Variants in NFU1 observed in about 807,000 individuals in gnomAD.
The protein encoded by NFU1 is NFU1 iron-sulfur cluster scaffold.
A neutral mutation model predicts 32.2 loss-of-function variants in NFU1; 30 were observed. The observed-to-expected ratio is 0.93, with a 90% CI of 0.70 to 1.26. The LOEUF (loss-of-function observed/expected upper bound fraction) is 1.26, where lower values mean the gene tolerates loss of function less well. NFU1 is among the 50% of genes most tolerant of loss of function. NFU1 has a pLI of 0.00. For synonymous variants in NFU1, 112 were observed against 104.6 expected, an observed-to-expected ratio of 1.07 and a Z score of -0.43; for missense variants, 306 against 306.6, an observed-to-expected ratio of 1.00 and a Z score of 0.02.
intron 1 of NFU1, among the ~76,000 whole-genome samples, chr2:69,436,656 T>C (rs978407455): frequency 2.6e-5 from 4 of 152,218 alleles, no homozygotes; most frequent in Admixed American, 1.3e-4. Context: ...AACACTACAA[T>C]GTCTAATACT....
At chr2:69,428,283 G>A (rs772268781) in intron 2 of NFU1, among the ~76,000 whole-genome samples, 1 of 152,076 alleles carries the variant, frequency 6.6e-6, no homozygotes, top group Non-Finnish European at 1.5e-5. Flanking sequence ...AAATTAGCCA[G>A]GTGTGGTGAT....
chr2:69,408,682 T>C (rs1672778012), intron 5 of NFU1, among the ~76,000 whole-genome samples: 1 of 149,242 alleles, frequency 6.7e-6, no homozygotes, highest in Non-Finnish European at 1.5e-5. Flanking sequence ...ATCACGCCAC[T>C]GCACTCCAGC....
chr2:69,411,696 G>A (rs1266394325), intron 5 of NFU1, among the ~76,000 whole-genome samples: 3 of 151,950 alleles, frequency 2.0e-5, no homozygotes, highest in South Asian at 2.1e-4. Flanking sequence ...GGGCTCAAGC[G>A]ATCCTCCCAC....
At chr2:69,419,191 G>A (rs1673157048) in intron 4 of NFU1, among the ~76,000 whole-genome samples, 1 of 127,534 alleles carries the variant, frequency 7.8e-6, no homozygotes, top group Non-Finnish European at 1.6e-5. Context: ...GCAGGCGCCT[G>A]CAATCCCAGC....
chr2:69,439,489 G>C (rs568886270), upstream of NFU1, among the ~76,000 whole-genome samples: 1 of 152,236 alleles, frequency 6.6e-6, no homozygotes, highest in East Asian at 1.9e-4. Context: ...GGCCCAAAGA[G>C]TGAGCCACAT....
In NFU1 at chr2:69,409,516, G is replaced by A. The variant is rs7588121; in HGVS notation, c.485-3434C>T. Among the ~76,000 whole-genome samples the A allele has an allele frequency of 4.5e-3, 686 of 152,254 alleles. 5 individuals carry two copies. Among genetic ancestry groups the A allele is most frequent in the African/African-American group, 0.016 (653 of 41,550 alleles). ...GTTTCTGCATGTCATAGTCTATTTA[G>A]TGTTGCTATAAAGGAATACCTGAGA... On this transcript the variant is annotated intron_variant, in intron 5 of 7. Coordinates refer to ENST00000410022, the MANE Select transcript of NFU1 (RefSeq NM_001002755.4).
At chr2:69,404,638 T>TTTTTTTTTTTTTTTTTTTTTAAA (rs1672638399) in intron 6 of NFU1, among the ~76,000 whole-genome samples, 1 of 135,820 alleles carries the variant, frequency 7.4e-6, no homozygotes, top group South Asian at 2.4e-4. Flanking sequence ...TTTTTTTTTT[T>TTTTTTTTTTTTTTTTTTTTTAAA]GAGAAAGAGT....
chr2:69,400,266 T>C, intron 7 of NFU1, 98 bp downstream of exon 7: 1 of 1,148,580 alleles, frequency 8.7e-7, no homozygotes, highest in Non-Finnish European at 1.3e-6. Context: ...ATGAACTTCT[T>C]TTCAAATACT....
At chr2:69,395,865 T>TA (rs775518723), downstream of NFU1, 57 of 165,656 alleles carry the variant, frequency 3.4e-4, no homozygotes, top group Admixed American at 6.3e-4. Flanking sequence ...AAAACTTCAG[T>TA]AAAAATAGTT....
intron 6 of NFU1, among the ~76,000 whole-genome samples, chr2:69,403,674 T>C (rs1399103906): frequency 6.6e-6 from 1 of 151,780 alleles, no homozygotes; most frequent in Non-Finnish European, 1.5e-5. Flanking sequence ...GTGAGCACCG[T>C]GCCCACCATC....
intron 4 of NFU1, among the ~76,000 whole-genome samples, chr2:69,419,041 G>A (rs979873466): frequency 3.9e-5 from 6 of 152,184 alleles, no homozygotes; most frequent in East Asian, 1.9e-4. Context: ...TTTTATAGGC[G>A]TGGTGGCTCA....
intron 3 of NFU1, among the ~76,000 whole-genome samples, chr2:69,423,247 T>TGA (rs1360199627): frequency 6.9e-5 from 1 of 14,588 alleles, no homozygotes; most frequent in Non-Finnish European, 1.2e-4. Flanking sequence ...TGTGTGAGTG[T>TGA]GTGTGTGTGT....
chr2:69,403,619 A>G (rs1397087145), intron 6 of NFU1, among the ~76,000 whole-genome samples: 1 of 152,038 alleles, frequency 6.6e-6, no homozygotes, highest in Non-Finnish European at 1.5e-5. Context: ...TCTGAGCTCA[A>G]GCAATCCTCC....
At chr2:69,416,606 A>G (rs1393775631) in intron 4 of NFU1, among the ~76,000 whole-genome samples, 1 of 152,060 alleles carries the variant, frequency 6.6e-6, no homozygotes, top group Non-Finnish European at 1.5e-5. Context: ...AAAGGGTATG[A>G]AAGAAATTTG....
chr2:69,422,467 T>G (rs773121767), intron 3 of NFU1, among the ~76,000 whole-genome samples: 1 of 152,188 alleles, frequency 6.6e-6, no homozygotes, highest in African/African-American at 2.4e-5. Flanking sequence ...TAGTTCTGAA[T>G]AGAGTATTTT....
At chr2:69,437,129 C>T in intron 1 of NFU1, 2 of 877,174 alleles carry the variant, frequency 2.3e-6, no homozygotes, top group Non-Finnish European at 3.4e-6. Context: ...AGAACTGGGT[C>T]TCTGAGCCTG....
Position 69,400,247 on chromosome 2 carries a change from A to G in NFU1, c.720+117T>C. ...ACAAAAATCCAGCCCTTGAAGAAAA[A>G]GCTAGGTCATGAACTTCTTTTCAAA... On this transcript the variant is annotated intron_variant, in intron 7 of 7. Coordinates refer to ENST00000410022, the MANE Select transcript of NFU1 (RefSeq NM_001002755.4). 5.4e-6 allele frequency: 5 copies of G among 932,748 alleles called. No individual in the cohort carries two copies. In the South Asian group the frequency reaches 7.1e-5, roughly 13 times the overall value. 57.8% of individuals were successfully genotyped at this position (932,748 alleles called of 1,614,324 possible). A position where few individuals can be genotyped will look rare whatever the true frequency, so the allele number is the denominator to read the frequency against.
intron 2 of NFU1, among the ~76,000 whole-genome samples, chr2:69,428,207 C>G (rs545625119): frequency 6.6e-6 from 1 of 152,156 alleles, no homozygotes; most frequent in Non-Finnish European, 1.5e-5. Flanking sequence ...GGCGGATCAC[C>G]TGAGGTCAGG....
chr2:69,422,663 C>G (rs1248085922), intron 3 of NFU1, among the ~76,000 whole-genome samples: 1 of 152,158 alleles, frequency 6.6e-6, no homozygotes, highest in East Asian at 1.9e-4. Context: ...TGCTATAGAT[C>G]TCTCAAATAT....
Sources: gnomAD v4.1 joint callset for allele counts (sites outside exome capture counted in the v4.1 genomes callset) on GRCh38, gnomAD v4.1.1 for gene constraint, MANE v1.5 for transcripts, NCBI Gene and HGNC (gene_info 2026-07-23, HGNC 2026-07-21) for gene names.